The following FILIP1 variants were observed in gnomAD, a reference collection of about 807,000 sequenced individuals.
The protein encoded by FILIP1 is filamin A interacting protein 1.
In FILIP1, 61 loss-of-function variants were observed where a neutral mutation model predicts 102.1. The observed-to-expected ratio is 0.60, with a 90% CI of 0.49 to 0.74. The LOEUF (loss-of-function observed/expected upper bound fraction) is 0.74. Among genes scored for constraint, FILIP1 ranks in the 30% least tolerant of loss-of-function variants. FILIP1 has a pLI of 0.00. For synonymous variants in FILIP1, 491 were observed against 526.9 expected (o/e 0.93, Z 0.93); for missense variants, 1,314 against 1,441.2 (o/e 0.91, Z 1.43).
intron 1 of FILIP1, among the ~76,000 whole-genome samples, chr6:75,471,176 A>G (rs12211078): frequency 0.032 from 4,738 of 150,400 alleles, 129 homozygotes; most frequent in South Asian, 0.064. Flanking sequence ...AAAAAAAAAA[A>G]AAAAAAAGAA....
chr6:75,350,937 A>G (rs1774777447), intron 4 of FILIP1, among the ~76,000 whole-genome samples: 1 of 152,226 alleles, frequency 6.6e-6, no homozygotes, highest in South Asian at 2.1e-4. Flanking sequence ...CCACATTCCA[A>G]CACAGGACAC....
chr6:75,482,239 T>C (rs1779667672), intron 1 of FILIP1, among the ~76,000 whole-genome samples: 1 of 152,092 alleles, frequency 6.6e-6, no homozygotes, highest in Non-Finnish European at 1.5e-5. Flanking sequence ...GAGAAAGAAA[T>C]AAGGTGAAAT....
At chr6:75,336,704 C>A (rs1446427265) in intron 4 of FILIP1, among the ~76,000 whole-genome samples, 1 of 151,840 alleles carries the variant, frequency 6.6e-6, no homozygotes, top group Non-Finnish European at 1.5e-5. Flanking sequence ...TTTAAAAAAC[C>A]TTTTTTAAAA....
chr6:75,325,000 A>G (rs1401725636), intron 4 of FILIP1, among the ~76,000 whole-genome samples: 2 of 152,236 alleles, frequency 1.3e-5, no homozygotes, highest in Non-Finnish European at 2.9e-5. Context: ...ATAACATTGG[A>G]AAAACTCTTC....
rs1773390051 is a variant in FILIP1, at chr6:75,315,088, G to C, written c.744C>G (p.Leu248=). The change falls in exon 5 of 6, where the codon CTC becomes CTG. Residue 248 remains leucine (L), a synonymous_variant. Transcript: ENST00000237172. ...GCATTTGTCTTTCATCCACCAGCATGAGTGCAAAGGATTTGAGTTTAACAA... is the reference window on the plus strand; with the variant it reads ...GCATTTGTCTTTCATCCACCAGCATCAGTGCAAAGGATTTGAGTTTAACAA... ...DELVKLKSFA[L]MLVDERQMHI... The C allele has an allele frequency of 6.2e-7, 1 of 1,613,822 alleles. No homozygotes were observed. The highest frequency in any genetic ancestry group is 8.5e-7 in the Non-Finnish European group (1 of 1,179,908).
chr6:75,323,937 AG>A (rs946404480), intron 4 of FILIP1, among the ~76,000 whole-genome samples: 1 of 152,192 alleles, frequency 6.6e-6, no homozygotes, highest in African/African-American at 2.4e-5. Flanking sequence ...CTTGTGAAGA[AG>A]GTACTTAACT....
chr6:75,357,191 A>C (rs1775032546), intron 3 of FILIP1: 1 of 152,190 alleles, frequency 6.6e-6, no homozygotes, highest in South Asian at 2.1e-4. Context: ...ATACATTGTG[A>C]TCTCAAAGCT....
chr6:75,405,078 T>C lies in FILIP1; in HGVS notation c.276+9619A>G, dbSNP rs369186303. ...TAGTAATGACAACAACCCCAGAACA[T>C]AGGAAATGTCCCCATTAGAACACAT... is the stretch of plus-strand genomic sequence containing the variant. On this transcript the variant is annotated intron_variant, in intron 2 of 5. Transcript: ENST00000237172. 4.3e-4 allele frequency among the ~76,000 whole-genome samples: 66 copies of C among 152,176 alleles called. No individual in the cohort carries two copies. In the Middle Eastern group the frequency reaches 0.017, roughly 39 times the overall value.
intron 1 of FILIP1, among the ~76,000 whole-genome samples, chr6:75,460,190 C>T (rs950757265): frequency 6.6e-6 from 1 of 152,162 alleles, no homozygotes; most frequent in Non-Finnish European, 1.5e-5. Flanking sequence ...TCCACAACTG[C>T]AACCTTCTTC....
chr6:75,354,581 A>C (rs955456048), intron 3 of FILIP1, among the ~76,000 whole-genome samples: 3 of 152,130 alleles, frequency 2.0e-5, no homozygotes, highest in African/African-American at 4.8e-5. Flanking sequence ...AAAAAAAAAA[A>C]AAAAAAAAAC....
rs749406187 is a variant in FILIP1 at position 75,409,747 on chromosome 6, A to T, written c.276+4950T>A. Among the ~76,000 whole-genome samples the T allele has an allele frequency of 8.5e-4, 130 of 152,218 alleles. 1 individual carries two copies. The highest frequency in any genetic ancestry group is 1.3e-3 in the Non-Finnish European group (89 of 68,000). On this transcript the variant is annotated intron_variant, in intron 2 of 5. Transcript: ENST00000237172. ...AGATAACACCACTATTGTAGAACTT[A>T]AGATTGGTGTTTTGAGATGTTTTTC...
chr6:75,466,439 A>G (rs981513560), intron 1 of FILIP1, among the ~76,000 whole-genome samples: 3 of 152,214 alleles, frequency 2.0e-5, no homozygotes, highest in African/African-American at 7.2e-5. Flanking sequence ...GTTTTATCAA[A>G]TAGTGGGAAT....
intron 1 of FILIP1, among the ~76,000 whole-genome samples, chr6:75,422,891 T>C (rs541852249): frequency 9.2e-5 from 14 of 152,144 alleles, no homozygotes; most frequent in Non-Finnish European, 1.9e-4. Context: ...TATTTTGGAC[T>C]ATGGAAATGA....
chr6:75,462,619 C>T (rs1056530523), intron 1 of FILIP1, among the ~76,000 whole-genome samples: 1 of 151,906 alleles, frequency 6.6e-6, no homozygotes, highest in Non-Finnish European at 1.5e-5. Flanking sequence ...TATACCTATA[C>T]ATATTGATAA....
intron 1 of FILIP1, among the ~76,000 whole-genome samples, chr6:75,425,120 T>C (rs1314905948): frequency 6.6e-6 from 1 of 152,122 alleles, no homozygotes; most frequent in Non-Finnish European, 1.5e-5. Flanking sequence ...AGCTACTACA[T>C]AAACCAAGAA....
Position 75,433,148 on chromosome 6 carries a change from G to T in FILIP1, c.-6-18170C>A, listed in dbSNP as rs1017703381. On this transcript the variant is annotated intron_variant, in intron 1 of 5. Coordinates refer to ENST00000237172, the MANE Select transcript of FILIP1 (RefSeq NM_015687.5). Reference sequence around the variant, plus strand: ...TGCTACAATAAACATACATGTGCATGTGTCTTTATAGCAGCATGATTTATA... The same window carrying T: ...TGCTACAATAAACATACATGTGCATTTGTCTTTATAGCAGCATGATTTATA... Among the ~76,000 whole-genome samples the T allele has an allele frequency of 6.6e-4, 100 of 152,204 alleles. 1 individual carries two copies. The highest frequency in any genetic ancestry group is 5.7e-3 in the Admixed American group (87 of 15,278).
intron 1 of FILIP1, among the ~76,000 whole-genome samples, chr6:75,429,545 C>G (rs752788066): frequency 2.0e-4 from 31 of 152,146 alleles, no homozygotes; most frequent in African/African-American, 7.2e-4. Flanking sequence ...CCAGGAAAGG[C>G]TCTGTAAGAA....
At chr6:75,457,612 GTCTCTCTC>G (rs68150078) in intron 1 of FILIP1, among the ~76,000 whole-genome samples, 1,812 of 142,718 alleles carry the variant, frequency 0.013, 50 homozygotes, top group African/African-American at 0.046. Context: ...TTCAAACAAA[GTCTCTCTC>G]TCTCTCTCTC....
intron 2 of FILIP1, among the ~76,000 whole-genome samples, chr6:75,397,405 G>C (rs1776499078): frequency 6.6e-6 from 1 of 151,100 alleles, no homozygotes; most frequent in Non-Finnish European, 1.5e-5. Context: ...AGAAAAAAAA[G>C]GCATGCATAG....
Sources: allele counts gnomAD v4.1 joint callset (sites outside exome capture counted in the v4.1 genomes callset), GRCh38; gene constraint gnomAD v4.1.1; transcripts MANE v1.5; gene names NCBI Gene and HGNC (gene_info 2026-07-23, HGNC 2026-07-21).